SLC24A2: variants seen among roughly 807,000 people sequenced by gnomAD.
The protein encoded by SLC24A2 is solute carrier family 24 member 2, also known as sodium/potassium/calcium exchanger 2.
Under a neutral mutation model 62.0 loss-of-function variants are expected in SLC24A2, and 36 were observed. The observed-to-expected ratio is 0.58, with a 90% CI of 0.44 to 0.77. The LOEUF (loss-of-function observed/expected upper bound fraction) is 0.77. SLC24A2 is among the 30% of genes least tolerant of loss of function. The pLI, the probability that SLC24A2 is intolerant of heterozygous loss-of-function variation, is 0.00. For missense variants in SLC24A2, 846 were observed against 817.9 expected, an observed-to-expected ratio of 1.03 and a Z score of -0.42; for synonymous variants, 358 against 294.0, an observed-to-expected ratio of 1.22 and a Z score of -2.23.
At chr9:19,860,114 G>T in the SLC24A2 span, among the ~76,000 whole-genome samples, 1 of 152,140 alleles carries the variant, frequency 6.6e-6, no homozygotes, top group Non-Finnish European at 1.5e-5. Context: ...CACCAGCCAG[G>T]GTGGCTAAGG....
intron 2 of SLC24A2, among the ~76,000 whole-genome samples, chr9:19,681,246 G>C (rs112653019): frequency 6.6e-6 from 1 of 151,984 alleles, no homozygotes; most frequent in Non-Finnish European, 1.5e-5. Flanking sequence ...GTTTACACTA[G>C]CTATCCACAT....
At chr9:19,617,487 T>C (rs1817799682) in intron 4 of SLC24A2, among the ~76,000 whole-genome samples, 1 of 152,228 alleles carries the variant, frequency 6.6e-6, no homozygotes, top group Non-Finnish European at 1.5e-5. Context: ...TATATATAGA[T>C]ACAAGTACTA....
At chr9:20,271,390 T>C in the SLC24A2 span, among the ~76,000 whole-genome samples, 1 of 152,362 alleles carries the variant, frequency 6.6e-6, no homozygotes, top group South Asian at 2.1e-4. Context: ...CTGTGTGTCT[T>C]TATTCATCCT....
intron 8 of SLC24A2, among the ~76,000 whole-genome samples, chr9:19,544,138 G>T (rs1326293125): frequency 6.6e-6 from 1 of 152,054 alleles, no homozygotes; most frequent in Non-Finnish European, 1.5e-5. Flanking sequence ...ATATATTTAG[G>T]ATAGTTGGCT....
chr9:20,174,681 A>C, the SLC24A2 span, among the ~76,000 whole-genome samples: 1 of 152,102 alleles, frequency 6.6e-6, no homozygotes, highest in East Asian at 1.9e-4. Context: ...GAATGGCCAT[A>C]AACAAAAATT....
At chr9:19,960,882 T>C in the SLC24A2 span, among the ~76,000 whole-genome samples, 10 of 152,192 alleles carry the variant, frequency 6.6e-5, no homozygotes, top group African/African-American at 1.9e-4. Flanking sequence ...GTGTAGTAAG[T>C]GCTCAATAAA....
chr9:20,211,641 G>T, the SLC24A2 span, among the ~76,000 whole-genome samples: 1 of 152,064 alleles, frequency 6.6e-6, no homozygotes, highest in Admixed American at 6.6e-5. Context: ...AACAAAAACT[G>T]TCAAACATTA....
chr9:20,003,297 A>C, the SLC24A2 span, among the ~76,000 whole-genome samples: 2 of 152,202 alleles, frequency 1.3e-5, no homozygotes, highest in African/African-American at 2.4e-5. Context: ...CCACATAGCC[A>C]CATATCCACA....
the SLC24A2 span, among the ~76,000 whole-genome samples, chr9:19,990,933 A>ATATATATATATGTATATG: frequency 2.1e-5 from 1 of 48,696 alleles, no homozygotes; most frequent in Non-Finnish European, 6.3e-5. Flanking sequence ...ATATATATAT[A>ATATATATATATGTATATG]TATGTATGTA....
chr9:19,647,629 G>T (rs1818682534), intron 2 of SLC24A2, among the ~76,000 whole-genome samples: 1 of 152,178 alleles, frequency 6.6e-6, no homozygotes, highest in African/African-American at 2.4e-5. Flanking sequence ...TACAAGAGAA[G>T]AACATTTCTG....
chr9:19,780,929 A>C (rs1288699340), intron 2 of SLC24A2, among the ~76,000 whole-genome samples: 2 of 151,552 alleles, frequency 1.3e-5, no homozygotes, highest in Non-Finnish European at 2.9e-5. Context: ...AGGGAAAAAG[A>C]GAGTTAGAAA....
chr9:19,546,510 C>T (rs1834580035), intron 8 of SLC24A2, among the ~76,000 whole-genome samples: 1 of 152,152 alleles, frequency 6.6e-6, no homozygotes, highest in Non-Finnish European at 1.5e-5. Flanking sequence ...CCTACTTAAG[C>T]CTCAGCACTG....
the SLC24A2 span, among the ~76,000 whole-genome samples, chr9:20,174,671 G>A: frequency 6.6e-6 from 1 of 152,028 alleles, no homozygotes; most frequent in Admixed American, 6.6e-5. Context: ...ATTCCTGCAA[G>A]AATGGCCATA....
At chr9:19,992,413 GA>G in the SLC24A2 span, among the ~76,000 whole-genome samples, 1 of 152,206 alleles carries the variant, frequency 6.6e-6, no homozygotes, top group African/African-American at 2.4e-5. Context: ...TATGCATCAT[GA>G]GTTGAAAATG....
the SLC24A2 span, among the ~76,000 whole-genome samples, chr9:20,029,987 A>G: frequency 6.6e-6 from 1 of 152,194 alleles, no homozygotes; most frequent in Non-Finnish European, 1.5e-5. Context: ...GGTTTTTTGA[A>G]ATGGCATCAC....
chr9:20,049,361 T>C, the SLC24A2 span, among the ~76,000 whole-genome samples: 1 of 152,302 alleles, frequency 6.6e-6, no homozygotes, highest in African/African-American at 2.4e-5. Flanking sequence ...GTGACTCCAA[T>C]GAACTTTTTT....
chr9:19,607,718 C>CAAA (rs769291086), intron 4 of SLC24A2, among the ~76,000 whole-genome samples: 18 of 67,168 alleles, frequency 2.7e-4, no homozygotes, highest in East Asian at 4.9e-4. Flanking sequence ...GACTCTGTCT[C>CAAA]AAAAAAAAAA....
the SLC24A2 span, among the ~76,000 whole-genome samples, chr9:19,824,978 C>T: frequency 6.6e-6 from 1 of 152,080 alleles, no homozygotes; most frequent in African/African-American, 2.4e-5. Context: ...AATGAGAACA[C>T]ATGGACACAG....
At chr9:19,926,358 C>T in the SLC24A2 span, 1 of 152,228 alleles carries the variant, frequency 6.6e-6, no homozygotes, top group African/African-American at 2.4e-5. Context: ...AAGGAAAGCC[C>T]TGTCTCCTGT....
Sources: gnomAD v4.1 joint callset for allele counts (sites outside exome capture counted in the v4.1 genomes callset) on GRCh38, gnomAD v4.1.1 for gene constraint, MANE v1.5 for transcripts, NCBI Gene and HGNC (gene_info 2026-07-23, HGNC 2026-07-21) for gene names.